The following PCLO variants were observed in gnomAD, a reference collection of about 807,000 sequenced individuals.
PCLO encodes the protein protein piccolo.
PCLO carries 82 observed loss-of-function variants against 427.5 expected under a neutral mutation model. That is an observed-to-expected ratio of 0.19 (90% CI 0.16 to 0.23). The LOEUF is 0.23. Among genes scored for constraint, PCLO ranks in the 10% least tolerant of loss-of-function variants. The pLI is 1.00. For missense variants in PCLO, 6,239 were observed against 6,115.9 expected (o/e 1.02, Z -0.67); for synonymous variants, 2,357 against 2,155.4 (o/e 1.09, Z -2.59).
chr7:83,057,650 C>T (rs1280244023), intron 3 of PCLO, among the ~76,000 whole-genome samples: 2 of 151,436 alleles, frequency 1.3e-5, no homozygotes, highest in African/African-American at 4.8e-5. Context: ...TGTGAGCCAC[C>T]ACGCCCGGCC....
At chr7:83,062,822 A>T (rs563664067) in intron 3 of PCLO, among the ~76,000 whole-genome samples, 1 of 152,156 alleles carries the variant, frequency 6.6e-6, no homozygotes, top group South Asian at 2.1e-4. Context: ...CCCATCACAC[A>T]ATTCCTTTCA....
At chr7:82,935,017 GAAGT>G (rs1410030988) in intron 6 of PCLO, among the ~76,000 whole-genome samples, 1 of 150,582 alleles carries the variant, frequency 6.6e-6, no homozygotes, top group Non-Finnish European at 1.5e-5. Flanking sequence ...ATGCTTATGA[GAAGT>G]CAATGAAAAT....
rs746054139 is a variant in PCLO, at chr7:83,134,242, T to TATAA, written c.3300+7_3300+8insTTAT. On this transcript the variant is annotated splice_region_variant and intron_variant, in intron 3 of 24. Transcript: ENST00000333891. ...TAATATATATATATATATATATATA[T>TATAA]AACTTACCTCAGTCAAATGTGGTGT... The TATAA allele has an allele frequency of 8.2e-5, 88 of 1,068,140 alleles. No individual in the cohort carries two copies. The highest frequency in any genetic ancestry group is 2.5e-4 in the East Asian group (8 of 31,788). The allele number at this position is 1,068,140 out of a possible 1,614,324, so 66.2% of individuals were successfully genotyped here. A position where few individuals can be genotyped will look rare whatever the true frequency, so the allele number is the denominator to read the frequency against.
chr7:82,938,618 A>C (rs1795010689), intron 6 of PCLO, among the ~76,000 whole-genome samples: 1 of 152,000 alleles, frequency 6.6e-6, no homozygotes, highest in African/African-American at 2.4e-5. Context: ...GAAGAAATTC[A>C]AAAACATTTA....
chr7:82,952,667 T>G lies in PCLO; in HGVS notation c.8286A>C (p.Glu2762Asp), dbSNP rs1257917465. 1 of 1,613,952 alleles carries G rather than the reference T, an allele frequency of 6.2e-7. No individual in the cohort carries two copies. The highest frequency in any genetic ancestry group is 8.5e-7 in the Non-Finnish European group (1 of 1,179,834). ...MDVKRQITAN[E>D]VYGKQISAVQ... Reference sequence around the variant, plus strand: ...CAGCACTAATTTGTTTCCCATAAACTTCATTTGCTGTGATCTGCCTTTTCA... The same window carrying G: ...CAGCACTAATTTGTTTCCCATAAACGTCATTTGCTGTGATCTGCCTTTTCA... The change falls in exon 5 of 25, where the codon GAA becomes GAC. Residue 2762 changes from glutamate to aspartate, a missense_variant. Glu to Asp is a conservative substitution (Grantham distance 45, BLOSUM62 2). This residue lies in a region of PCLO where 4,677 missense variants were observed against 4,468.4 expected (regional missense o/e 1.05). Coordinates refer to ENST00000333891, the MANE Select transcript of PCLO (RefSeq NM_033026.6).
intron 21 of PCLO, 92 bp from the exon 22 acceptor site, chr7:82,801,683 T>C: frequency 1.3e-6 from 1 of 743,800 alleles, no homozygotes; most frequent in Non-Finnish European, 2.3e-6. Context: ...ACATTGATAG[T>C]AATGGCAAAA....
At chr7:82,841,832 A>G (rs1792375145) in intron 13 of PCLO, among the ~76,000 whole-genome samples, 1 of 152,106 alleles carries the variant, frequency 6.6e-6, no homozygotes, top group African/African-American at 2.4e-5. Context: ...GGTTTTAAAG[A>G]TCTATACAGT....
chr7:82,795,439 T>C lies in PCLO; in HGVS notation c.15007+6079A>G, dbSNP rs1257808264. On this transcript the variant is annotated intron_variant, in intron 22 of 24. Transcript: ENST00000333891. Reference sequence around the variant, plus strand: ...AATGGTGTTATTAGTTGATTGCCTATCATCATTAAGTATTGGATGTTTTCC... The same window carrying C: ...AATGGTGTTATTAGTTGATTGCCTACCATCATTAAGTATTGGATGTTTTCC... 2.0e-5 allele frequency among the ~76,000 whole-genome samples: 3 copies of C among 152,308 alleles called. No individual in the cohort carries two copies. The South Asian group carries it at 6.2e-4, about 32-fold the overall frequency.
At chr7:82,921,881 C>CAA (rs199669323) in intron 6 of PCLO, among the ~76,000 whole-genome samples, 2 of 148,154 alleles carry the variant, frequency 1.3e-5, no homozygotes, top group Non-Finnish European at 3.0e-5. Flanking sequence ...AGGCACTTAA[C>CAA]AAAAAAAAAC....
chr7:83,006,705 G>T (rs1787954359), intron 3 of PCLO, among the ~76,000 whole-genome samples: 3 of 151,508 alleles, frequency 2.0e-5, no homozygotes. Flanking sequence ...AAATTGCATG[G>T]ATCATACTTT....
intron 1 of PCLO, among the ~76,000 whole-genome samples, chr7:83,158,650 T>C (rs144663329): frequency 6.6e-6 from 1 of 152,032 alleles, no homozygotes; most frequent in Non-Finnish European, 1.5e-5. Context: ...ATAAACTTCA[T>C]GAATGTCAAA....
At chr7:83,020,848 T>C (rs1490655791) in intron 3 of PCLO, among the ~76,000 whole-genome samples, 1 of 152,158 alleles carries the variant, frequency 6.6e-6, no homozygotes. Context: ...TATTTGGCAT[T>C]AATCATTAGG....
chr7:83,051,980 C>T (rs568820711), intron 3 of PCLO, among the ~76,000 whole-genome samples: 6 of 151,800 alleles, frequency 4.0e-5, no homozygotes, highest in African/African-American at 1.4e-4. Context: ...GAGATACATC[C>T]ACATGCAAAA....
rs186352062 is a variant in PCLO, at chr7:82,993,188, A to T, written c.3301-26701T>A. Among the ~76,000 whole-genome samples, 27 of 152,140 alleles carry T rather than the reference A, an allele frequency of 1.8e-4. No homozygotes were observed. In the East Asian group the frequency reaches 4.8e-3, roughly 27 times the overall value. On this transcript the variant is annotated intron_variant, in intron 3 of 24. Coordinates refer to ENST00000333891, the MANE Select transcript of PCLO (RefSeq NM_033026.6). ...AATGCAACTTAATATCTCATTATAA[A>T]ATTTCTTATATTGGCTAAATTTTTT...
intron 3 of PCLO, among the ~76,000 whole-genome samples, chr7:83,082,516 T>C (rs1790127284): frequency 6.6e-6 from 1 of 151,694 alleles, no homozygotes; most frequent in Non-Finnish European, 1.5e-5. Flanking sequence ...AGGAGGTGGA[T>C]ATGAAGAAGG....
At chr7:82,877,881 A>G (rs1009492885) in intron 10 of PCLO, among the ~76,000 whole-genome samples, 4 of 152,236 alleles carry the variant, frequency 2.6e-5, no homozygotes, top group East Asian at 3.9e-4. Context: ...CATGTTGGCC[A>G]GGCTAGTCTT....
In PCLO at chr7:82,956,698, T is replaced by C. The variant is rs758203919; in HGVS notation, c.4255A>G (p.Ile1419Val). ...LAKLESTVLS[I>V]LEAQASTLAD... is the part of the protein sequence containing the mutation. ...AGTGTACTTGCTTGAGCTTCCAAAA[T>C]AGATAGGACTGTACTTTCTAACTTA... The change falls in exon 5 of 25, where the codon ATT (isoleucine) becomes GTT (valine). Residue 1419 changes from isoleucine (I) to valine (V), a missense_variant. Physicochemically the swap from Ile to Val is conservative, Grantham distance 29. Coordinates refer to ENST00000333891, the MANE Select transcript of PCLO (RefSeq NM_033026.6). 7 of 1,613,800 alleles carry C rather than the reference T, an allele frequency of 4.3e-6. No individual in the cohort carries two copies. Among genetic ancestry groups the C allele is most frequent in the Non-Finnish European group, 4.2e-6 (5 of 1,179,796 alleles).
At chr7:82,979,884 C>T (rs1391379413) in intron 3 of PCLO, among the ~76,000 whole-genome samples, 1 of 152,122 alleles carries the variant, frequency 6.6e-6, no homozygotes, top group Admixed American at 6.6e-5. Context: ...TTAATGGACA[C>T]ATAACAACCA....
intron 16 of PCLO, among the ~76,000 whole-genome samples, chr7:82,831,974 A>C (rs1792104919): frequency 6.6e-6 from 1 of 152,186 alleles, no homozygotes; most frequent in African/African-American, 2.4e-5. Context: ...GAAGGTAGGC[A>C]GGTAAACAGG....
Sources: allele counts gnomAD v4.1 joint callset (sites outside exome capture counted in the v4.1 genomes callset), GRCh38; gene constraint gnomAD v4.1.1; regional missense constraint gnomAD v4.1.1; transcripts MANE v1.5; gene names NCBI Gene and HGNC (gene_info 2026-07-23, HGNC 2026-07-21).